The following SPG21 variants were observed in gnomAD, a reference collection of about 807,000 sequenced individuals.
SPG21 encodes maspardin.
Under a neutral mutation model 38.9 loss-of-function variants are expected in SPG21, and 26 were observed. The observed-to-expected ratio is 0.67, with a 90% CI of 0.49 to 0.93. The LOEUF (loss-of-function observed/expected upper bound fraction) is 0.93. SPG21 is among the 40% of genes least tolerant of loss of function. SPG21 has a pLI of 0.00. For synonymous variants in SPG21, 136 were observed against 128.9 expected (o/e 1.05, Z -0.37); for missense variants, 333 against 376.5 (o/e 0.88, Z 0.96).
Position 64,976,484 on chromosome 15 carries a change from T to A in SPG21, c.297A>T (p.Gln99His). 6.2e-7 allele frequency: 1 copy of A among 1,610,764 alleles called. No homozygotes were observed. ...GTTTCAGGGTACTCACTTTATCCAA[T>A]TGTAAATGGTCTAAAAGTTTTCTGA... ...DGFRKLLDHL[Q>H]LDKVHLFGAS... The change falls in exon 4 of 9, where the codon CAA becomes CAT. Residue 99 changes from glutamine to histidine, a missense_variant. Coordinates refer to ENST00000204566, the MANE Select transcript of SPG21 (RefSeq NM_016630.7).
At chr15:64,986,265 G>A (rs2085990768) in intron 1 of SPG21, among the ~76,000 whole-genome samples, 1 of 152,130 alleles carries the variant, frequency 6.6e-6, no homozygotes, top group African/African-American at 2.4e-5. Flanking sequence ...ACTCAGGAGG[G>A]TGAGGCAGGA....
chr15:64,967,642 T>G (rs1012508350), intron 7 of SPG21, among the ~76,000 whole-genome samples: 4 of 152,012 alleles, frequency 2.6e-5, no homozygotes, highest in African/African-American at 9.7e-5. Context: ...CCCGGCTAAT[T>G]TTTGTATTTT....
intron 1 of SPG21, chr15:64,988,801 T>G (rs1012099163): frequency 6.6e-6 from 1 of 152,070 alleles, no homozygotes; most frequent in Non-Finnish European, 1.5e-5. Flanking sequence ...GCTAACACGG[T>G]GAAACCCCGT....
At chr15:64,975,955 G>T (rs1268769307) in intron 4 of SPG21, among the ~76,000 whole-genome samples, 1 of 152,098 alleles carries the variant, frequency 6.6e-6, no homozygotes, top group African/African-American at 2.4e-5. Context: ...TAGTAGGGGG[G>T]AAGATGAGGA....
In SPG21 at chr15:64,976,779, T is replaced by C. The variant is rs183099674; in HGVS notation, c.226-224A>G. Reference sequence around the variant, plus strand: ...AGTATAAAAAGTAAGCACACTCTAATGATATTACGTGAGTAACAATTTCAA... The same window carrying C: ...AGTATAAAAAGTAAGCACACTCTAACGATATTACGTGAGTAACAATTTCAA... On this transcript the variant is annotated intron_variant, in intron 3 of 8. Transcript: ENST00000204566. Among the ~76,000 whole-genome samples the C allele has an allele frequency of 7.5e-4, 115 of 152,346 alleles. 1 individual carries two copies. In the East Asian group the frequency reaches 0.015, roughly 19 times the overall value.
At chr15:64,973,934 A>T (rs2140425660) in intron 5 of SPG21, among the ~76,000 whole-genome samples, 1 of 152,372 alleles carries the variant, frequency 6.6e-6, no homozygotes, top group South Asian at 2.1e-4. Flanking sequence ...GTGATGAAGA[A>T]TTGGGAAAAG....
intron 6 of SPG21, among the ~76,000 whole-genome samples, chr15:64,969,691 T>TTTG (rs2085621947): frequency 7.6e-6 from 1 of 131,256 alleles, no homozygotes; most frequent in African/African-American, 2.5e-5. Context: ...GTTTTTGTTT[T>TTTG]TTTTTTTTTT....
chr15:64,980,737 CAACA>C lies in SPG21; in HGVS notation c.225+123_225+126del, dbSNP rs56821289. On this transcript the variant is annotated intron_variant, in intron 3 of 8. Coordinates refer to ENST00000204566, the MANE Select transcript of SPG21 (RefSeq NM_016630.7). The stretch of plus-strand genomic sequence containing the variant: ...CGGGCGACAGAGTGAGAATCCATCT[CAACA>C]AACAAACAAACAAACAAACAAACAA... The C allele has an allele frequency of 0.53, 451,918 of 860,696 alleles. 116,944 individuals are homozygous for C. The highest frequency in any genetic ancestry group is 0.86 in the East Asian group (31,402 of 36,518). The allele number at this position is 860,696 out of a possible 1,614,324, so 53.3% of individuals were successfully genotyped here. A position where few individuals can be genotyped will look rare whatever the true frequency, so the allele number is the denominator to read the frequency against.
chr15:64,984,359 C>G (rs954580207), intron 1 of SPG21, among the ~76,000 whole-genome samples: 1 of 151,956 alleles, frequency 6.6e-6, no homozygotes, highest in African/African-American at 2.4e-5. Flanking sequence ...TGTTTTTTTA[C>G]TTTTTTAATT....
intron 3 of SPG21, among the ~76,000 whole-genome samples, chr15:64,977,389 A>T (rs2085800722): frequency 6.9e-6 from 1 of 143,994 alleles, no homozygotes; most frequent in South Asian, 2.2e-4. Flanking sequence ...ATAGGGTCTC[A>T]CTCTCTCTCA....
At chr15:64,965,784 C>T (rs1379617901) in intron 7 of SPG21, among the ~76,000 whole-genome samples, 2 of 147,872 alleles carry the variant, frequency 1.4e-5, no homozygotes, top group Non-Finnish European at 3.0e-5. Context: ...TCACTGCAAT[C>T]TCCACCTCCT....
chr15:64,970,828 C>G (rs1224730149), intron 5 of SPG21, among the ~76,000 whole-genome samples: 1 of 152,116 alleles, frequency 6.6e-6, no homozygotes, highest in Non-Finnish European at 1.5e-5. Flanking sequence ...CAACCTCTGC[C>G]TCCCGGGCTC....
chr15:64,970,092 A>T, intron 6 of SPG21, 22 bp downstream of exon 6: 1 of 1,574,714 alleles, frequency 6.4e-7, no homozygotes, highest in East Asian at 2.2e-5. Context: ...ATGTGTCCCC[A>T]ACCCAATGTC....
intron 8 of SPG21, among the ~76,000 whole-genome samples, chr15:64,964,691 C>T (rs903190278): frequency 5.3e-5 from 8 of 152,122 alleles, no homozygotes; most frequent in East Asian, 1.9e-4. Context: ...AGTGCAATGG[C>T]GTGACCTCGG....
At chr15:64,974,237 T>C (rs2085730756) in intron 5 of SPG21, among the ~76,000 whole-genome samples, 1 of 152,094 alleles carries the variant, frequency 6.6e-6, no homozygotes, top group South Asian at 2.1e-4. Context: ...GAGGCCAAGG[T>C]GGGCAGATGG....
At chr15:64,987,131 C>T (rs1331216088) in intron 1 of SPG21, 1 of 152,236 alleles carries the variant, frequency 6.6e-6, no homozygotes, top group Non-Finnish European at 1.5e-5. Context: ...CGCGGTCATC[C>T]TCTTCTTTCC....
chr15:64,988,184 T>C (rs949551452), intron 1 of SPG21, among the ~76,000 whole-genome samples: 5 of 152,084 alleles, frequency 3.3e-5, no homozygotes, highest in Non-Finnish European at 7.4e-5. Context: ...ATCACACCAC[T>C]GCACTCCAGC....
intron 7 of SPG21, among the ~76,000 whole-genome samples, chr15:64,967,767 G>A (rs945934988): frequency 5.9e-5 from 9 of 151,934 alleles, no homozygotes; most frequent in African/African-American, 1.2e-4. Flanking sequence ...CACCGCGCCC[G>A]GCCTAATTTT....
At chr15:64,976,445 T>C in intron 4 of SPG21, 30 bp downstream of exon 4, 2 of 1,489,600 alleles carry the variant, frequency 1.3e-6, no homozygotes, top group Non-Finnish European at 1.9e-6. Flanking sequence ...AAAAAAATTG[T>C]ATGTATGTAA....
Sources: allele counts gnomAD v4.1 joint callset (sites outside exome capture counted in the v4.1 genomes callset), GRCh38; gene constraint gnomAD v4.1.1; transcripts MANE v1.5; gene names NCBI Gene and HGNC (gene_info 2026-07-23, HGNC 2026-07-21).